Variants in ANTXR2 observed in about 807,000 individuals in gnomAD.
ANTXR2 encodes anthrax toxin receptor 2.
In ANTXR2, 44 loss-of-function variants were observed where a neutral mutation model predicts 73.7. The ratio of observed to expected loss-of-function variants is 0.60; its 90% CI spans 0.47 to 0.77. The LOEUF (loss-of-function observed/expected upper bound fraction) is 0.77. Among genes scored for constraint, ANTXR2 ranks in the 30% least tolerant of loss-of-function variants. ANTXR2 has a pLI of 0.00. For missense variants in ANTXR2, 604 were observed against 592.5 expected, an observed-to-expected ratio of 1.02 and a Z score of -0.20; for synonymous variants, 217 against 205.9, an observed-to-expected ratio of 1.05 and a Z score of -0.46.
intron 16 of ANTXR2, among the ~76,000 whole-genome samples, chr4:79,926,821 C>A (rs1267304398): frequency 1.3e-5 from 2 of 151,356 alleles, no homozygotes; most frequent in East Asian, 3.9e-4. Context: ...GATATGGAAA[C>A]AATGTAAGTA....
At chr4:79,909,202 G>C (rs1463341699) in intron 16 of ANTXR2, among the ~76,000 whole-genome samples, 2 of 152,076 alleles carry the variant, frequency 1.3e-5, no homozygotes, top group Admixed American at 6.6e-5. Context: ...TCTTTTTCTT[G>C]TGTATTTGTA....
At chr4:80,024,790 A>T (rs1340138920) in intron 10 of ANTXR2, 4 of 380,444 alleles carry the variant, frequency 1.1e-5, no homozygotes, top group South Asian at 5.8e-5. Flanking sequence ...AAGAGACTGT[A>T]AAAACAAAAG....
intron 14 of ANTXR2, 90 bp from the exon 15 acceptor site, chr4:79,978,264 C>A: frequency 8.1e-7 from 1 of 1,235,504 alleles, no homozygotes; most frequent in Non-Finnish European, 1.1e-6. Flanking sequence ...TAGTTCACAT[C>A]TCAGAGTGAA....
intron 16 of ANTXR2, among the ~76,000 whole-genome samples, chr4:79,931,101 C>T (rs1252404354): frequency 6.6e-6 from 1 of 152,070 alleles, no homozygotes; most frequent in Non-Finnish European, 1.5e-5. Context: ...AGTGGTCTAC[C>T]AAATCTAATC....
At chr4:79,980,244 T>TCACCACCACAAA (rs778865761) in intron 14 of ANTXR2, among the ~76,000 whole-genome samples, 59 of 152,228 alleles carry the variant, frequency 3.9e-4, no homozygotes, top group Middle Eastern at 3.4e-3. Flanking sequence ...ATCAACATCA[T>TCACCACCACAAA]CACCACCACA....
chr4:79,973,576 C>T lies in ANTXR2; in HGVS notation c.1428+4045G>A, dbSNP rs111287912. Among the ~76,000 whole-genome samples, 1,436 of 152,090 alleles carry T rather than the reference C, an allele frequency of 9.4e-3. 28 individuals are homozygous for T. Among genetic ancestry groups the T allele is most frequent in the African/African-American group, 0.032 (1,342 of 41,500 alleles). On this transcript the variant is annotated intron_variant, in intron 16 of 16. Transcript: ENST00000403729. Reference sequence around the variant, plus strand: ...CTGAGTAGCTGGGACTACAGGTGTGCCCCACCACGCCTGGCTAATTTTTCT... The same window carrying T: ...CTGAGTAGCTGGGACTACAGGTGTGTCCCACCACGCCTGGCTAATTTTTCT...
chr4:80,027,389 C>A (rs1340696179), intron 10 of ANTXR2, among the ~76,000 whole-genome samples: 2 of 152,088 alleles, frequency 1.3e-5, no homozygotes, highest in South Asian at 2.1e-4. Context: ...TAAAAAGATT[C>A]TATTATGAAG....
chr4:80,003,211 C>T (rs1716680205), intron 12 of ANTXR2, among the ~76,000 whole-genome samples: 1 of 151,980 alleles, frequency 6.6e-6, no homozygotes, highest in Non-Finnish European at 1.5e-5. Context: ...CACATATACA[C>T]CATGGAATAC....
rs1726950913 is a variant in ANTXR2 at position 79,907,239 on chromosome 4, T to C, written c.*190A>G. 1 of 643,270 alleles carries C rather than the reference T, an allele frequency of 1.6e-6. No homozygotes were observed. The highest frequency in any genetic ancestry group is 2.8e-5 in the East Asian group (1 of 36,266). The allele number at this position is 643,270 out of a possible 1,614,324, so 39.8% of individuals were successfully genotyped here. On this transcript the variant is annotated 3_prime_UTR_variant, in exon 17 of 17. Coordinates refer to ENST00000403729, the MANE Select transcript of ANTXR2 (RefSeq NM_058172.6). ...TGAGTTTCATCACCTCCCATGTAGA[T>C]GGCAGAACAAGTGTTTAGAAATGTT...
At chr4:79,918,020 G>T (rs930061556) in intron 16 of ANTXR2, among the ~76,000 whole-genome samples, 1 of 151,860 alleles carries the variant, frequency 6.6e-6, no homozygotes, top group African/African-American at 2.4e-5. Flanking sequence ...CTATAAATAA[G>T]AAACTGTAAT....
intron 3 of ANTXR2, 138 bp downstream of exon 3, chr4:80,069,298 C>A: frequency 1.4e-6 from 1 of 708,600 alleles, no homozygotes; most frequent in East Asian, 2.7e-5. Context: ...TACCTCCTTT[C>A]CCTTCTATTA....
At chr4:80,039,239 T>A (rs1423071250) in intron 7 of ANTXR2, among the ~76,000 whole-genome samples, 2 of 123,830 alleles carry the variant, frequency 1.6e-5, no homozygotes, top group Non-Finnish European at 3.4e-5. Flanking sequence ...GGGAGAAGAG[T>A]AAGAAGAGAA....
At chr4:79,928,903 T>A (rs959142982) in intron 16 of ANTXR2, among the ~76,000 whole-genome samples, 11 of 152,294 alleles carry the variant, frequency 7.2e-5, no homozygotes, top group Admixed American at 5.9e-4. Flanking sequence ...ATTTCAAAAC[T>A]CAAGTGTAAC....
rs1298333425 is a variant in ANTXR2, at chr4:80,072,460, T to C, written c.101A>G (p.Gln34Arg). Residue 34 changes from glutamine (Q) to arginine (R), a missense_variant, in exon 1 of 17, where the codon CAG becomes CGG. Coordinates refer to ENST00000403729, the MANE Select transcript of ANTXR2 (RefSeq NM_058172.6). ...GGCTCTTCTGCAGGAGGGCTGCTCC[T>C]GGGCGCGCAGCAGCCCCCCGGGACC... is the stretch of plus-strand genomic sequence containing the variant. The part of the protein sequence containing the change: ...LSGPGGLLRA[Q>R]EQPSCRRAFD... 33 of 1,609,460 alleles carry C rather than the reference T, an allele frequency of 2.1e-5. No homozygotes were observed. Among genetic ancestry groups the C allele is most frequent in the Non-Finnish European group, 2.7e-5 (32 of 1,178,152 alleles).
At position 79,978,076 on chromosome 4, in the gene ANTXR2, G is replaced by C. The variant is rs1452918628; in HGVS notation, c.1278C>G (p.Ile426Met). 1 of 1,613,838 alleles carries C rather than the reference G, an allele frequency of 6.2e-7. No homozygotes were observed. The highest frequency in any genetic ancestry group is 8.5e-7 in the Non-Finnish European group (1 of 1,179,840). Reference protein sequence around the residue: ...VKIPEETEEPIRPRPPRPKPT... With the variant: ...VKIPEETEEPMRPRPPRPKPT... Reference sequence around the variant, plus strand: ...GTTTGGGTCGAGGTGGTCTAGGCCTGATGGGTTCCTCTGTTTCTTCAGGAA... The same window carrying C: ...GTTTGGGTCGAGGTGGTCTAGGCCTCATGGGTTCCTCTGTTTCTTCAGGAA... The change falls in exon 15 of 17, where the codon ATC becomes ATG. Residue 426 changes from isoleucine to methionine, a missense_variant. Physicochemically the swap from Ile to Met is conservative, Grantham distance 10 (BLOSUM62 1). Transcript: ENST00000403729.
At chr4:80,068,479 G>A (rs1734615146) in intron 3 of ANTXR2, among the ~76,000 whole-genome samples, 1 of 152,136 alleles carries the variant, frequency 6.6e-6, no homozygotes, top group Admixed American at 6.5e-5. Context: ...TTTAAAACAT[G>A]TCAGTGAGGT....
intron 7 of ANTXR2, among the ~76,000 whole-genome samples, chr4:80,049,760 G>C (rs781628515): frequency 6.6e-6 from 1 of 151,696 alleles, no homozygotes; most frequent in Non-Finnish European, 1.5e-5. Flanking sequence ...TCTGTCTCTT[G>C]AACCCTATAG....
intron 11 of ANTXR2, among the ~76,000 whole-genome samples, chr4:80,017,298 C>T (rs1731919478): frequency 6.6e-6 from 1 of 152,194 alleles, no homozygotes; most frequent in South Asian, 2.1e-4. Context: ...GTGTGGAGCA[C>T]TATTCCCTCA....
intron 7 of ANTXR2, among the ~76,000 whole-genome samples, chr4:80,047,889 T>A (rs566148571): frequency 1.2e-3 from 184 of 151,862 alleles, no homozygotes; most frequent in Non-Finnish European, 2.0e-3. Flanking sequence ...ACATTCTATT[T>A]TTCTTTTCCT....
Sources: gnomAD v4.1 joint callset for allele counts (sites outside exome capture counted in the v4.1 genomes callset) on GRCh38, gnomAD v4.1.1 for gene constraint, MANE v1.5 for transcripts, NCBI Gene and HGNC (gene_info 2026-07-23, HGNC 2026-07-21) for gene names.